ANO6: variants seen among roughly 807,000 people sequenced by gnomAD.
ANO6 encodes the protein anoctamin-6.
ANO6 carries 106 observed loss-of-function variants against 117.5 expected under a neutral mutation model. The observed-to-expected ratio is 0.90, with a 90% CI of 0.77 to 1.06. ANO6 has a LOEUF of 1.06. ANO6 is among the 50% of genes least tolerant of loss of function. The pLI is 0.00. For synonymous variants in ANO6, 367 were observed against 385.1 expected (o/e 0.95, Z 0.55); for missense variants, 955 against 1,121.1 (o/e 0.85, Z 2.12).
intron 1 of ANO6, among the ~76,000 whole-genome samples, chr12:45,300,468 A>G (rs1034528241): frequency 6.6e-6 from 1 of 152,202 alleles, no homozygotes; most frequent in African/African-American, 2.4e-5. Flanking sequence ...GTGAGTTATC[A>G]TGCCCAGCCA....
At chr12:45,409,518 A>C in intron 16 of ANO6, 31 bp downstream of exon 16, 6 of 1,607,516 alleles carry the variant, frequency 3.7e-6, no homozygotes, top group Non-Finnish European at 5.1e-6. Flanking sequence ...TTAGTGATAT[A>C]AAACATGTTA....
chr12:45,420,066 A>T lies in ANO6; in HGVS notation c.2218-1005A>T, dbSNP rs150349833. Among the ~76,000 whole-genome samples the T allele has an allele frequency of 5.4e-3, 821 of 151,914 alleles. 8 individuals are homozygous for T. Among genetic ancestry groups the T allele is most frequent in the African/African-American group, 0.019 (780 of 41,374 alleles). ...ACCCCAATATAATTCTACTACCCAA[A>T]TTTTGTTAAAATTAATAAATGCTCA... On this transcript the variant is annotated intron_variant, in intron 17 of 19. Coordinates refer to ENST00000320560, the MANE Select transcript of ANO6 (RefSeq NM_001025356.3).
At chr12:45,367,065 T>A (rs916105414) in intron 8 of ANO6, among the ~76,000 whole-genome samples, 57 of 152,328 alleles carry the variant, frequency 3.7e-4, no homozygotes, top group African/African-American at 1.3e-3. Context: ...CACTGCAACC[T>A]CCACCTCCCG....
chr12:45,329,445 G>A (rs1241199009), intron 2 of ANO6, among the ~76,000 whole-genome samples: 1 of 152,106 alleles, frequency 6.6e-6, no homozygotes, highest in Non-Finnish European at 1.5e-5. Context: ...TCCAAATAAA[G>A]GGCCATGGTC....
At chr12:45,332,161 A>G (rs1420206077) in intron 3 of ANO6, among the ~76,000 whole-genome samples, 2 of 152,096 alleles carry the variant, frequency 1.3e-5, no homozygotes, top group Non-Finnish European at 2.9e-5. Flanking sequence ...ACCTGTACCT[A>G]AACTGCATTA....
chr12:45,392,201 C>G (rs1395594767), intron 12 of ANO6, among the ~76,000 whole-genome samples: 1 of 152,234 alleles, frequency 6.6e-6, no homozygotes, highest in Non-Finnish European at 1.5e-5. Context: ...TGATTCTCTA[C>G]CATGCCTGGC....
intron 18 of ANO6, 90 bp downstream of exon 18, chr12:45,421,363 T>A: frequency 1.5e-6 from 2 of 1,304,704 alleles, no homozygotes; most frequent in Non-Finnish European, 2.2e-6. Flanking sequence ...ATTTTTAAAA[T>A]TTTTATTTCT....
At chr12:45,345,262 C>G (rs182688294) in intron 3 of ANO6, among the ~76,000 whole-genome samples, 4 of 152,330 alleles carry the variant, frequency 2.6e-5, no homozygotes, top group African/African-American at 9.6e-5. Flanking sequence ...CACTTGGACT[C>G]AAATGTAGCC....
chr12:45,331,257 A>G, intron 2 of ANO6, 38 bp from the exon 3 acceptor site: 1 of 1,563,348 alleles, frequency 6.4e-7, no homozygotes, highest in Non-Finnish European at 8.7e-7. Context: ...TTTTTTCAAA[A>G]AATTATATAT....
chr12:45,294,388 C>T (rs998020076), intron 1 of ANO6, among the ~76,000 whole-genome samples: 2 of 152,146 alleles, frequency 1.3e-5, no homozygotes, highest in Admixed American at 6.5e-5. Context: ...AAGTTTACAT[C>T]TTCATGAATA....
chr12:45,419,953 A>T (rs566000670), intron 17 of ANO6, among the ~76,000 whole-genome samples: 43 of 151,756 alleles, frequency 2.8e-4, no homozygotes. Flanking sequence ...AATTTTCATA[A>T]CTTCATCCAC....
chr12:45,353,047 G>C (rs757742548), intron 7 of ANO6, among the ~76,000 whole-genome samples: 54 of 142,906 alleles, frequency 3.8e-4, no homozygotes, highest in Non-Finnish European at 5.7e-4. Context: ...AGTAGTAATT[G>C]GATCCTCATC....
At chr12:45,435,625 A>C (rs576648345), downstream of ANO6, among the ~76,000 whole-genome samples, 1 of 152,290 alleles carries the variant, frequency 6.6e-6, no homozygotes, top group South Asian at 2.1e-4. Flanking sequence ...TGATCTAAGT[A>C]TCTTAAGAAT....
intron 17 of ANO6, 79 bp downstream of exon 17, chr12:45,416,983 G>C: frequency 6.9e-7 from 1 of 1,444,458 alleles, no homozygotes; most frequent in Non-Finnish European, 9.6e-7. Context: ...AATGTTTAGT[G>C]TTTTTTAAAA....
rs373017320 is a variant in ANO6, at chr12:45,281,923, C to T, written c.71-20091C>T. 1.2e-4 allele frequency among the ~76,000 whole-genome samples: 18 copies of T among 152,124 alleles called. No homozygotes were observed. In the South Asian group the frequency reaches 2.5e-3, roughly 21 times the overall value. ...TGAAAGTTGCTGGCAGGTGGGCGGG[C>T]GGTCAGGAGGTTGGTGCAATAGTCC... On this transcript the variant is annotated intron_variant, in intron 1 of 19. Transcript: ENST00000320560.
intron 1 of ANO6, chr12:45,292,879 C>G (rs1939148846): frequency 6.4e-7 from 1 of 1,550,532 alleles, no homozygotes; most frequent in East Asian, 2.4e-5. Context: ...GCGTCAAGGA[C>G]TCACCGAATT....
At chr12:45,296,856 A>G (rs1939312157) in intron 1 of ANO6, among the ~76,000 whole-genome samples, 1 of 152,262 alleles carries the variant, frequency 6.6e-6, no homozygotes, top group Admixed American at 6.5e-5. Flanking sequence ...TAGAAGTACC[A>G]GGCACAAAAT....
chr12:45,420,058 C>G (rs1180916011), intron 17 of ANO6, among the ~76,000 whole-genome samples: 3 of 151,516 alleles, frequency 2.0e-5, no homozygotes, highest in Non-Finnish European at 4.4e-5. Context: ...TATAATTCTA[C>G]TACCCAAATT....
At chr12:45,225,207 C>T (rs969647859) in intron 1 of ANO6, among the ~76,000 whole-genome samples, 21 of 149,418 alleles carry the variant, frequency 1.4e-4, no homozygotes, top group African/African-American at 3.7e-4. Flanking sequence ...AAAAAACTCA[C>T]GATTTGGCTT....
Sources: allele counts gnomAD v4.1 joint callset (sites outside exome capture counted in the v4.1 genomes callset), GRCh38; gene constraint gnomAD v4.1.1; transcripts MANE v1.5; gene names NCBI Gene and HGNC (gene_info 2026-07-23, HGNC 2026-07-21).